The following CATSPERE variants were observed in gnomAD, a reference collection of about 807,000 sequenced individuals.
The protein encoded by CATSPERE is catsper channel auxiliary subunit epsilon, also known as cation channel sperm-associated auxiliary subunit epsilon.
Under a neutral mutation model 114.1 loss-of-function variants are expected in CATSPERE, and 93 were observed. The observed-to-expected ratio is 0.81, with a 90% CI of 0.69 to 0.97. The LOEUF (loss-of-function observed/expected upper bound fraction) is 0.97. Among genes scored for constraint, CATSPERE ranks in the 50% least tolerant of loss-of-function variants. The pLI, the probability that CATSPERE is intolerant of heterozygous loss-of-function variation, is 0.00. For missense variants in CATSPERE, 1,058 were observed against 1,131.6 expected (o/e 0.93, Z 0.93); for synonymous variants, 341 against 384.1 (o/e 0.89, Z 1.31).
intron 8 of CATSPERE, among the ~76,000 whole-genome samples, chr1:244,523,634 CAA>C (rs1678000423): frequency 1.4e-5 from 2 of 140,250 alleles, no homozygotes; most frequent in Admixed American, 1.4e-4. Flanking sequence ...GCAACTTCAG[CAA>C]AGTCTCAGGA....
chr1:244,495,458 G>A (rs1348063264), intron 6 of CATSPERE, among the ~76,000 whole-genome samples: 2 of 152,124 alleles, frequency 1.3e-5, no homozygotes, highest in Non-Finnish European at 2.9e-5. Flanking sequence ...GGTGGCTCAC[G>A]CCTGTACAAA....
chr1:244,460,981 T>G (rs1332032024), upstream of CATSPERE, among the ~76,000 whole-genome samples: 3 of 152,254 alleles, frequency 2.0e-5, no homozygotes, highest in Non-Finnish European at 2.9e-5. Context: ...GCCAGATATG[T>G]ATTTGCTATT....
chr1:244,636,557 G>A (rs1422422185), intron 21 of CATSPERE: 2 of 152,166 alleles, frequency 1.3e-5, no homozygotes, highest in Non-Finnish European at 2.9e-5. Flanking sequence ...TCATGGGGTT[G>A]GTATGTTTGA....
At chr1:244,487,545 T>C (rs945101855) in intron 5 of CATSPERE, among the ~76,000 whole-genome samples, 1 of 152,012 alleles carries the variant, frequency 6.6e-6, no homozygotes, top group Non-Finnish European at 1.5e-5. Context: ...TCACCATCAT[T>C]ATGCCATGGT....
In CATSPERE at chr1:244,603,520, T is replaced by C. The variant is rs138489833; in HGVS notation, c.2304-2175T>C. On this transcript the variant is annotated intron_variant, in intron 17 of 21. Coordinates refer to ENST00000366534, the MANE Select transcript of CATSPERE (RefSeq NM_001130957.2). Reference sequence around the variant, plus strand: ...ATATAGACAAGTATTTTTTCAAATATATTCAATGATATAAATTAAACATCA... The same window carrying C: ...ATATAGACAAGTATTTTTTCAAATACATTCAATGATATAAATTAAACATCA... Among the ~76,000 whole-genome samples the C allele has an allele frequency of 7.7e-3, 1,170 of 152,286 alleles. 16 individuals are homozygous for C. Among genetic ancestry groups the C allele is most frequent in the African/African-American group, 0.018 (768 of 41,548 alleles).
chr1:244,475,017 G>A (rs1669086667), intron 2 of CATSPERE, among the ~76,000 whole-genome samples: 1 of 151,656 alleles, frequency 6.6e-6, no homozygotes, highest in Admixed American at 6.6e-5. Flanking sequence ...TGCTTTTGGG[G>A]ACTATCCTAA....
intron 21 of CATSPERE, among the ~76,000 whole-genome samples, chr1:244,635,797 G>A (rs913392731): frequency 3.3e-5 from 5 of 152,188 alleles, no homozygotes; most frequent in African/African-American, 1.2e-4. Flanking sequence ...TCTATATTTA[G>A]ATTTTTGGGG....
chr1:244,540,080 C>T (rs1214395814), intron 8 of CATSPERE, among the ~76,000 whole-genome samples: 5 of 150,926 alleles, frequency 3.3e-5, no homozygotes, highest in Admixed American at 1.3e-4. Context: ...TGGAAGCATT[C>T]CCTTTGAAAA....
chr1:244,636,448 C>T (rs1295948985), intron 21 of CATSPERE: 1 of 152,146 alleles, frequency 6.6e-6, no homozygotes, highest in Non-Finnish European at 1.5e-5. Flanking sequence ...CAAATGAAGT[C>T]AAGAGTTGTT....
intron 8 of CATSPERE, among the ~76,000 whole-genome samples, chr1:244,531,893 G>C (rs1207474731): frequency 6.6e-6 from 1 of 152,174 alleles, no homozygotes; most frequent in African/African-American, 2.4e-5. Flanking sequence ...GGGATAGTTT[G>C]AGTCAGATTG....
intron 14 of CATSPERE, among the ~76,000 whole-genome samples, chr1:244,590,351 A>G (rs1667562671): frequency 6.6e-6 from 1 of 152,118 alleles, no homozygotes; most frequent in African/African-American, 2.4e-5. Context: ...GTCCAAAGAA[A>G]TTTGTTTTCA....
chr1:244,628,299 G>C (rs920105732), intron 20 of CATSPERE, among the ~76,000 whole-genome samples: 6 of 152,140 alleles, frequency 3.9e-5, no homozygotes, highest in African/African-American at 1.4e-4. Flanking sequence ...AGGGGGACTA[G>C]TGCATGGTAT....
At chr1:244,617,825 A>G (rs981876020) in intron 20 of CATSPERE, 139 bp downstream of exon 20, 1 of 707,178 alleles carries the variant, frequency 1.4e-6, no homozygotes, top group African/African-American at 1.9e-5. Context: ...TAGCAATCAC[A>G]TGAAACATTC....
At chr1:244,474,836 T>C (rs149041263) in intron 2 of CATSPERE, among the ~76,000 whole-genome samples, 2,288 of 151,142 alleles carry the variant, frequency 0.015, 54 homozygotes, top group African/African-American at 0.053. Flanking sequence ...CTTTAACTCC[T>C]GGACTCAAGC....
chr1:244,488,934 T>A (rs59633882), intron 5 of CATSPERE, among the ~76,000 whole-genome samples: 1,735 of 152,244 alleles, frequency 0.011, 35 homozygotes, highest in African/African-American at 0.04. Flanking sequence ...ATTTACTGAT[T>A]CCCAAAACAT....
intron 13 of CATSPERE, among the ~76,000 whole-genome samples, chr1:244,587,481 T>G (rs1648912071): frequency 6.6e-6 from 1 of 152,220 alleles, no homozygotes; most frequent in South Asian, 2.1e-4. Context: ...GATTTTACAT[T>G]TGCCTTTCTC....
At chr1:244,548,730 A>G (rs1048996725) in intron 8 of CATSPERE, among the ~76,000 whole-genome samples, 4 of 152,194 alleles carry the variant, frequency 2.6e-5, no homozygotes, top group Admixed American at 6.5e-5. Flanking sequence ...TGAAAACTCA[A>G]TTACAGTGAC....
Position 244,586,307 on chromosome 1 carries a change from T to C in CATSPERE, c.2086-2175T>C, listed in dbSNP as rs189471880. Among the ~76,000 whole-genome samples the C allele has an allele frequency of 9.4e-4, 143 of 152,304 alleles. 1 individual carries two copies. The highest frequency in any genetic ancestry group is 5.8e-3 in the East Asian group (30 of 5,192). The stretch of plus-strand genomic sequence containing the variant: ...TGATCCTGAGGCTTGGGGTGATTTT[T>C]TTCAACTAGGACAAGGAAGAGAAGA... On this transcript the variant is annotated intron_variant, in intron 13 of 21. Coordinates refer to ENST00000366534, the MANE Select transcript of CATSPERE (RefSeq NM_001130957.2).
chr1:244,619,413 CAGAG>C (rs1279930242), intron 20 of CATSPERE, among the ~76,000 whole-genome samples: 1 of 152,166 alleles, frequency 6.6e-6, no homozygotes, highest in Admixed American at 6.5e-5. Context: ...CTGTCACTAA[CAGAG>C]AGGTCCTAAA....
Sources: gnomAD v4.1 joint callset for allele counts (sites outside exome capture counted in the v4.1 genomes callset) on GRCh38, gnomAD v4.1.1 for gene constraint, MANE v1.5 for transcripts, NCBI Gene and HGNC (gene_info 2026-07-23, HGNC 2026-07-21) for gene names.